Variants in DENND5A observed in about 807,000 individuals in gnomAD.
DENND5A encodes the protein DENN domain containing 5A.
In DENND5A, 64 loss-of-function variants were observed where a neutral mutation model predicts 140.3. The ratio of observed to expected loss-of-function variants is 0.46; its 90% CI spans 0.37 to 0.56. The LOEUF (loss-of-function observed/expected upper bound fraction) is 0.56. Ranked by LOEUF, DENND5A falls within the 20% of genes least tolerant of loss-of-function variation. The pLI, the probability that DENND5A is intolerant of heterozygous loss-of-function variation, is 0.00. For synonymous variants in DENND5A, 605 were observed against 607.7 expected, an observed-to-expected ratio of 1.00 and a Z score of 0.07; for missense variants, 1,292 against 1,593.8, an observed-to-expected ratio of 0.81 and a Z score of 3.22.
chr11:9,231,715 C>CAAAAAAAAAAAAAAAAAA (rs71062818), intron 1 of DENND5A, among the ~76,000 whole-genome samples: 5 of 78,962 alleles, frequency 6.3e-5, no homozygotes, highest in East Asian at 8.8e-4. Context: ...AACTCCGTCT[C>CAAAAAAAAAAAAAAAAAA]AAAAAAAAAA....
At chr11:9,142,232 G>A in intron 21 of DENND5A, 124 bp from the exon 22 acceptor site, 1 of 680,702 alleles carries the variant, frequency 1.5e-6, no homozygotes, top group Non-Finnish European at 2.4e-6. Context: ...TAGCACAAGT[G>A]TTCTGATGTC....
At chr11:9,261,853 G>A (rs1462089792) in intron 1 of DENND5A, among the ~76,000 whole-genome samples, 3 of 149,804 alleles carry the variant, frequency 2.0e-5, no homozygotes, top group African/African-American at 4.9e-5. Context: ...GAAATGAAGA[G>A]GGAAAAAAAA....
intron 14 of DENND5A, 39 bp from the exon 15 acceptor site, chr11:9,150,248 G>A: frequency 6.2e-7 from 1 of 1,607,036 alleles, no homozygotes; most frequent in Non-Finnish European, 8.5e-7. Context: ...AGGGTGGGAT[G>A]GGAGATGAAC....
At chr11:9,246,310 A>T (rs1851468844) in intron 1 of DENND5A, among the ~76,000 whole-genome samples, 1 of 152,098 alleles carries the variant, frequency 6.6e-6, no homozygotes, top group African/African-American at 2.4e-5. Context: ...GGACACATAG[A>T]CCTTAGATAA....
chr11:9,226,167 A>G (rs1210477191), intron 1 of DENND5A, among the ~76,000 whole-genome samples: 1 of 152,230 alleles, frequency 6.6e-6, no homozygotes, highest in Non-Finnish European at 1.5e-5. Flanking sequence ...TATATCATTA[A>G]TAAGCTATTC....
intron 1 of DENND5A, among the ~76,000 whole-genome samples, chr11:9,254,362 A>G (rs1851858905): frequency 6.6e-6 from 1 of 152,138 alleles, no homozygotes; most frequent in Non-Finnish European, 1.5e-5. Context: ...GTATATATAC[A>G]GAAATTTAGC....
At chr11:9,209,295 T>A (rs1849792502) in intron 1 of DENND5A, among the ~76,000 whole-genome samples, 1 of 152,176 alleles carries the variant, frequency 6.6e-6, no homozygotes, top group South Asian at 2.1e-4. Flanking sequence ...AGGAGCTCCC[T>A]AAGACATGAC....
chr11:9,194,007 G>T (rs1306857289), intron 4 of DENND5A, among the ~76,000 whole-genome samples: 4 of 152,182 alleles, frequency 2.6e-5, no homozygotes, highest in Admixed American at 1.3e-4. Context: ...CTTAAGAAAG[G>T]GGGTAGGAGA....
chr11:9,181,962 TTC>T (rs1848746699), intron 5 of DENND5A, among the ~76,000 whole-genome samples: 1 of 152,302 alleles, frequency 6.6e-6, no homozygotes, highest in East Asian at 1.9e-4. Flanking sequence ...TTAAAATTGC[TTC>T]TGAGAGAATG....
Position 9,150,237 on chromosome 11 carries a change from G to C in DENND5A, c.2607-28C>G, listed in dbSNP as rs781169020. On this transcript the variant is annotated intron_variant, in intron 14 of 22. Transcript: ENST00000328194. ...GGAGGAAGAATGTAAAAAGGAAGTG[G>C]AGGGTGGGATGGGAGATGAACTCAC... 1.9e-6 allele frequency: 3 copies of C among 1,610,858 alleles called. No individual in the cohort carries two copies. The East Asian group carries it at 6.7e-5, about 36-fold the overall frequency.
chr11:9,156,623 T>C (rs1376311591), intron 12 of DENND5A, among the ~76,000 whole-genome samples: 1 of 141,418 alleles, frequency 7.1e-6, no homozygotes, highest in Non-Finnish European at 1.5e-5. Context: ...CGAGACTCCG[T>C]CTCAAAAAAA....
At chr11:9,201,645 G>A (rs1368114693) in intron 4 of DENND5A, among the ~76,000 whole-genome samples, 3 of 151,986 alleles carry the variant, frequency 2.0e-5, no homozygotes, top group Non-Finnish European at 4.4e-5. Flanking sequence ...ACTCCAACCT[G>A]GGCAGCAGAG....
Position 9,150,191 on chromosome 11 carries a change from C to T in DENND5A, c.2625G>A (p.Gly875=). The stretch of plus-strand genomic sequence containing the variant: ...CCTTTCCCACATCAGTCTTGATTTC[C>T]CCGATGTTCTGGATGTGCCTGGAGG... The part of the protein sequence containing the change: ...IQDMRHIQNI[G]EIKTDVGKAR... The change falls in exon 15 of 23, where the codon GGG becomes GGA. Residue 875 remains glycine (G), a synonymous_variant. Transcript: ENST00000328194. 1 of 1,613,742 alleles carries T rather than the reference C, an allele frequency of 6.2e-7. No homozygotes were observed. Among genetic ancestry groups the T allele is most frequent in the Non-Finnish European group, 8.5e-7 (1 of 1,179,788 alleles).
At chr11:9,234,605 C>T (rs555036209) in intron 1 of DENND5A, among the ~76,000 whole-genome samples, 1 of 152,194 alleles carries the variant, frequency 6.6e-6, no homozygotes, top group Non-Finnish European at 1.5e-5. Flanking sequence ...ATGGCCCTGA[C>T]GCCCACGCTA....
intron 10 of DENND5A, among the ~76,000 whole-genome samples, chr11:9,169,373 G>T (rs1404250672): frequency 6.6e-6 from 1 of 152,036 alleles, no homozygotes; most frequent in Non-Finnish European, 1.5e-5. Context: ...TTGAACCCAG[G>T]AGATGGAGGC....
chr11:9,193,713 A>G, intron 4 of DENND5A, 32 bp from the exon 5 acceptor site: 1 of 1,564,768 alleles, frequency 6.4e-7, no homozygotes, highest in Non-Finnish European at 8.6e-7. Context: ...AAGCACACAC[A>G]CAAATCAGTC....
intron 1 of DENND5A, among the ~76,000 whole-genome samples, chr11:9,237,920 G>A (rs1851072369): frequency 6.6e-6 from 1 of 152,060 alleles, no homozygotes; most frequent in Admixed American, 6.6e-5. Context: ...CCAAAGTCCA[G>A]TTTTAGCAAT....
intron 1 of DENND5A, among the ~76,000 whole-genome samples, chr11:9,253,534 G>A (rs559838344): frequency 7.2e-5 from 11 of 152,130 alleles, no homozygotes; most frequent in South Asian, 2.1e-4. Context: ...AGGCTGAGTC[G>A]GGAGTATCAC....
At chr11:9,175,453 G>A (rs1848517564) in intron 8 of DENND5A, 1 of 152,216 alleles carries the variant, frequency 6.6e-6, no homozygotes, top group Admixed American at 6.5e-5. Flanking sequence ...TTTCTTTGCA[G>A]AAGTTGGCAA....
Sources: gnomAD v4.1 joint callset for allele counts (sites outside exome capture counted in the v4.1 genomes callset) on GRCh38, gnomAD v4.1.1 for gene constraint, MANE v1.5 for transcripts, NCBI Gene and HGNC (gene_info 2026-07-23, HGNC 2026-07-21) for gene names.